The following LHX4 variants were observed in gnomAD, a reference collection of about 807,000 sequenced individuals.
LHX4 encodes LIM/homeobox protein Lhx4.
Under a neutral mutation model 39.2 loss-of-function variants are expected in LHX4, and 16 were observed. The observed-to-expected ratio is 0.41, with a 90% CI of 0.28 to 0.62. LHX4 has a LOEUF of 0.62. LHX4 is among the 20% of genes least tolerant of loss of function. LHX4 has a pLI of 0.33. For missense variants in LHX4, 439 were observed against 511.9 expected, an observed-to-expected ratio of 0.86 and a Z score of 1.37; for synonymous variants, 206 against 198.1, an observed-to-expected ratio of 1.04 and a Z score of -0.33.
At chr1:180,251,069 CCA>C (rs1647607742) in intron 2 of LHX4, among the ~76,000 whole-genome samples, 1 of 152,224 alleles carries the variant, frequency 6.6e-6, no homozygotes, top group African/African-American at 2.4e-5. Context: ...GCAACCCTTC[CCA>C]CCCGGTGAGT....
intron 1 of LHX4, among the ~76,000 whole-genome samples, chr1:180,233,275 C>G (rs888755949): frequency 6.6e-6 from 1 of 152,258 alleles, no homozygotes; most frequent in African/African-American, 2.4e-5. Flanking sequence ...CTCCCGCCCC[C>G]GCAGGCTCCC....
chr1:180,262,852 G>A (rs1221370248), intron 2 of LHX4, among the ~76,000 whole-genome samples: 3 of 152,164 alleles, frequency 2.0e-5, no homozygotes, highest in Non-Finnish European at 4.4e-5. Context: ...ACTATGTGCT[G>A]GGCAGGGATA....
intron 1 of LHX4, among the ~76,000 whole-genome samples, chr1:180,242,657 A>G (rs1239237921): frequency 6.6e-6 from 1 of 152,034 alleles, no homozygotes; most frequent in East Asian, 1.9e-4. Flanking sequence ...GCAGATGGGT[A>G]GTGTGTTGTT....
chr1:180,262,281 GAAAAAAA>G (rs34979970), intron 2 of LHX4, among the ~76,000 whole-genome samples: 2 of 132,562 alleles, frequency 1.5e-5, no homozygotes, highest in African/African-American at 2.8e-5. Flanking sequence ...ACTTTGAAAG[GAAAAAAA>G]AAAAAAAAAA....
chr1:180,269,033 T>C (rs940026307), intron 3 of LHX4, among the ~76,000 whole-genome samples: 2 of 152,196 alleles, frequency 1.3e-5, no homozygotes, highest in Non-Finnish European at 2.9e-5. Context: ...ATTTTCAATA[T>C]AATGAGGTTG....
chr1:180,233,887 ATTTTAT>A (rs1293829662), intron 1 of LHX4, among the ~76,000 whole-genome samples: 3 of 151,654 alleles, frequency 2.0e-5, no homozygotes, highest in Non-Finnish European at 4.4e-5. Context: ...GGAAAAAGGT[ATTTTAT>A]TTTGTGTTTG....
intron 2 of LHX4, among the ~76,000 whole-genome samples, chr1:180,265,450 A>T (rs1296839018): frequency 2.0e-5 from 3 of 151,996 alleles, no homozygotes; most frequent in African/African-American, 7.3e-5. Context: ...GCCTCTGTTG[A>T]TCTCTATGAC....
chr1:180,264,733 T>C (rs1027699632), intron 2 of LHX4, among the ~76,000 whole-genome samples: 1 of 152,214 alleles, frequency 6.6e-6, no homozygotes, highest in Non-Finnish European at 1.5e-5. Context: ...TTTACAGGCC[T>C]ATGCTGACCC....
intron 1 of LHX4, among the ~76,000 whole-genome samples, chr1:180,246,019 A>T (rs1472635781): frequency 6.6e-6 from 1 of 152,030 alleles, no homozygotes; most frequent in African/African-American, 2.4e-5. Context: ...AAAAAAAAAA[A>T]GAATCCTGTA....
chr1:180,271,780 G>C, intron 4 of LHX4, 55 bp from the exon 5 acceptor site: 1 of 1,601,154 alleles, frequency 6.2e-7, no homozygotes, highest in Non-Finnish European at 8.6e-7. Context: ...GGTCCTGGGG[G>C]CTTTGGGTTT....
At chr1:180,272,745 C>T (rs570255219) in intron 5 of LHX4, 1 of 152,346 alleles carries the variant, frequency 6.6e-6, no homozygotes, top group Admixed American at 6.5e-5. Context: ...GACCTGGTTT[C>T]CAGTGCAGCT....
chr1:180,250,266 T>C (rs1003988576), intron 2 of LHX4, among the ~76,000 whole-genome samples: 1 of 151,998 alleles, frequency 6.6e-6, no homozygotes, highest in Admixed American at 6.6e-5. Flanking sequence ...TATGATGTCC[T>C]GGCCAAGCAC....
chr1:180,239,394 G>T (rs181412310), intron 1 of LHX4, among the ~76,000 whole-genome samples: 1 of 152,322 alleles, frequency 6.6e-6, no homozygotes, highest in Non-Finnish European at 1.5e-5. Flanking sequence ...AAAAACATTT[G>T]CATACTATTT....
chr1:180,251,304 TCCACAC>T (rs1647619491), intron 2 of LHX4, among the ~76,000 whole-genome samples: 1 of 152,178 alleles, frequency 6.6e-6, no homozygotes, highest in African/African-American at 2.4e-5. Context: ...GGCTGCCGCC[TCCACAC>T]GCCAGCCCAG....
At chr1:180,245,129 G>T (rs1440944039) in intron 1 of LHX4, among the ~76,000 whole-genome samples, 1 of 152,190 alleles carries the variant, frequency 6.6e-6, no homozygotes, top group Non-Finnish European at 1.5e-5. Flanking sequence ...AGGAGGCCTG[G>T]GCAGTCCTCC....
chr1:180,259,468 G>A lies in LHX4; in HGVS notation c.249-6924G>A, dbSNP rs556124038. Among the ~76,000 whole-genome samples, 60 of 151,984 alleles carry A rather than the reference G, an allele frequency of 3.9e-4. 1 individual carries two copies. Among genetic ancestry groups the A allele is most frequent in the African/African-American group, 1.4e-3 (56 of 41,272 alleles). On this transcript the variant is annotated intron_variant, in intron 2 of 5. Coordinates refer to ENST00000263726, the MANE Select transcript of LHX4 (RefSeq NM_033343.4). The stretch of plus-strand genomic sequence containing the variant: ...ATGGTTCACCTGTGGGTGGCAGGCA[G>A]GGGCTGGGGCCCCGGGTGTGCGAGT...
intron 1 of LHX4, among the ~76,000 whole-genome samples, chr1:180,243,774 C>CT (rs1387274713): frequency 6.6e-6 from 1 of 152,240 alleles, no homozygotes; most frequent in African/African-American, 2.4e-5. Flanking sequence ...GTTTTTGCCT[C>CT]TAACATTTCC....
In LHX4 at chr1:180,242,749, G is replaced by T. The variant is rs555768878; in HGVS notation, c.77-5536G>T. ...TGTTTCTGAGTTTACCCTCTGCAGA[G>T]CCCCAGCAGAGAGCATCGTCACGAA... On this transcript the variant is annotated intron_variant, in intron 1 of 5. Coordinates refer to ENST00000263726, the MANE Select transcript of LHX4 (RefSeq NM_033343.4). Among the ~76,000 whole-genome samples, 4 of 152,272 alleles carry T rather than the reference G, an allele frequency of 2.6e-5. No individual in the cohort carries two copies. In the South Asian group the frequency reaches 8.3e-4, roughly 32 times the overall value.
chr1:180,240,916 G>A (rs1664430902), intron 1 of LHX4, among the ~76,000 whole-genome samples: 1 of 152,218 alleles, frequency 6.6e-6, no homozygotes, highest in Admixed American at 6.5e-5. Context: ...CACGTTGTGA[G>A]TTTTAAAAGC....
Sources: allele counts gnomAD v4.1 joint callset (sites outside exome capture counted in the v4.1 genomes callset), GRCh38; gene constraint gnomAD v4.1.1; transcripts MANE v1.5; gene names NCBI Gene and HGNC (gene_info 2026-07-23, HGNC 2026-07-21).